Variants in UBR3 observed in about 807,000 individuals in gnomAD.
UBR3 encodes the protein ubiquitin protein ligase E3 component n-recognin 3.
UBR3 carries 85 observed loss-of-function variants against 243.2 expected under a neutral mutation model. The observed-to-expected ratio is 0.35, with a 90% CI of 0.29 to 0.42. The LOEUF (loss-of-function observed/expected upper bound fraction) is 0.42. UBR3 is among the 10% of genes least tolerant of loss of function. The pLI, the probability that UBR3 is intolerant of heterozygous loss-of-function variation, is 1.00. For missense variants in UBR3, 1,686 were observed against 2,300.8 expected (o/e 0.73, Z 5.47); for synonymous variants, 748 against 799.8 (o/e 0.94, Z 1.09).
At chr2:169,902,103 C>G (rs1202481843) in intron 8 of UBR3, among the ~76,000 whole-genome samples, 1 of 152,152 alleles carries the variant, frequency 6.6e-6, no homozygotes, top group East Asian at 1.9e-4. Context: ...ATTCCACTGT[C>G]TAACTATCTA....
Position 169,926,698 on chromosome 2 carries a change from G to C in UBR3, c.2158G>C (p.Ala720Pro). ...ATTTTGTTTTCTTTTAAAGGTTTGTGCTTCTAGACTTGACCCAGATTATTT... is the reference window on the plus strand; with the variant it reads ...ATTTTGTTTTCTTTTAAAGGTTTGTCCTTCTAGACTTGACCCAGATTATTT... The part of the protein sequence containing the change: ...DPDIYLLQVC[A>P]SRLDPDYFIS... Residue 720 changes from alanine (A) to proline (P), a missense_variant, in exon 15 of 39, where the codon GCT (alanine) becomes CCT (proline). Coordinates refer to ENST00000272793, the MANE Select transcript of UBR3 (RefSeq NM_172070.4). The C allele has an allele frequency of 6.5e-7, 1 of 1,547,358 alleles. No individual in the cohort carries two copies.
At chr2:169,879,432 A>G (rs981709352) in intron 5 of UBR3, among the ~76,000 whole-genome samples, 1 of 152,124 alleles carries the variant, frequency 6.6e-6, no homozygotes, top group African/African-American at 2.4e-5. Flanking sequence ...CTTTCACACA[A>G]TGTTACATTT....
At chr2:169,954,764 A>G (rs1299906961) in intron 23 of UBR3, among the ~76,000 whole-genome samples, 2 of 151,460 alleles carry the variant, frequency 1.3e-5, no homozygotes, top group Admixed American at 6.6e-5. Flanking sequence ...TAGTAGAGAC[A>G]GGGTTTCACC....
intron 1 of UBR3, among the ~76,000 whole-genome samples, chr2:169,853,474 A>G (rs2082734006): frequency 1.4e-5 from 2 of 142,486 alleles, no homozygotes; most frequent in South Asian, 2.2e-4. Flanking sequence ...TTTTTGAGGC[A>G]TAGTCTCACT....
At chr2:169,978,283 G>A (rs753377437) in intron 24 of UBR3, among the ~76,000 whole-genome samples, 12 of 152,226 alleles carry the variant, frequency 7.9e-5, no homozygotes, top group Non-Finnish European at 1.6e-4. Context: ...CCAGGTGCAG[G>A]TGCTTGGAGG....
intron 26 of UBR3, among the ~76,000 whole-genome samples, chr2:169,996,700 T>TG (rs1382944784): frequency 6.8e-6 from 1 of 146,886 alleles, no homozygotes; most frequent in East Asian, 2.0e-4. Context: ...TTTGTTTTTT[T>TG]TTTTTTTTTT....
chr2:169,951,639 CTG>C (rs1380718279), intron 23 of UBR3, among the ~76,000 whole-genome samples: 1 of 151,890 alleles, frequency 6.6e-6, no homozygotes, highest in African/African-American at 2.4e-5. Flanking sequence ...TACAGGGAAA[CTG>C]TGGAAGGATT....
At position 169,853,862 on chromosome 2, in the gene UBR3, A is replaced by G. The variant is rs553476099; in HGVS notation, c.546-18374A>G. On this transcript the variant is annotated intron_variant, in intron 1 of 38. Transcript: ENST00000272793. Reference sequence around the variant, plus strand: ...TATGTGCATATGTATGTGGAAGTGAATGAGGGAGAGAAGAAAGGAAGAAAA... The same window carrying G: ...TATGTGCATATGTATGTGGAAGTGAGTGAGGGAGAGAAGAAAGGAAGAAAA... Among the ~76,000 whole-genome samples, 20 of 152,030 alleles carry G rather than the reference A, an allele frequency of 1.3e-4. No individual in the cohort carries two copies. In the South Asian group the frequency reaches 3.9e-3, roughly 30 times the overall value.
At chr2:169,976,506 TG>T (rs2088453202) in intron 24 of UBR3, among the ~76,000 whole-genome samples, 1 of 152,140 alleles carries the variant, frequency 6.6e-6, no homozygotes, top group South Asian at 2.1e-4. Context: ...CCATTATTTC[TG>T]TAGGATAGCT....
At chr2:170,072,221 G>A (rs908830585) in intron 35 of UBR3, among the ~76,000 whole-genome samples, 14 of 152,018 alleles carry the variant, frequency 9.2e-5, no homozygotes, top group Admixed American at 2.0e-4. Context: ...GCACATATAC[G>A]CCATGGAATA....
chr2:170,078,119 AT>A, intron 36 of UBR3: 1 of 621,596 alleles, frequency 1.6e-6, no homozygotes. Flanking sequence ...TTTCATTTGT[AT>A]TTTCTCAGCA....
At chr2:170,029,820 C>T (rs541932859) in intron 31 of UBR3, among the ~76,000 whole-genome samples, 7 of 152,138 alleles carry the variant, frequency 4.6e-5, no homozygotes, top group African/African-American at 1.7e-4. Context: ...GTTTTAAGGA[C>T]TCCTGATAAT....
rs939001328 is a variant in UBR3, at chr2:170,084,082, A to T, written c.*2239A>T. 2.0e-5 allele frequency: 3 copies of T among 152,486 alleles called. No homozygotes were observed. The highest frequency in any genetic ancestry group is 7.2e-5 in the African/African-American group (3 of 41,448). The allele number at this position is 152,486 out of a possible 1,614,324, so 9.4% of individuals were successfully genotyped here. ...AACTAGGAATAATCAACATTGTAAG[A>T]TATGTTAATAAAAACCTGCTGTCAT... On this transcript the variant is annotated 3_prime_UTR_variant, in exon 39 of 39. Transcript: ENST00000272793.
At chr2:169,940,150 T>C (rs1248087841) in intron 19 of UBR3, among the ~76,000 whole-genome samples, 1 of 152,168 alleles carries the variant, frequency 6.6e-6, no homozygotes, top group Non-Finnish European at 1.5e-5. Flanking sequence ...TTATCTTCTT[T>C]TTATGTTGGG....
chr2:170,014,173 G>A, intron 29 of UBR3: 4 of 164,392 alleles, frequency 2.4e-5, no homozygotes, highest in Non-Finnish European at 4.0e-5. Context: ...TACAGACTTA[G>A]GAATATTAAT....
intron 5 of UBR3, among the ~76,000 whole-genome samples, chr2:169,886,046 A>G (rs1340370000): frequency 1.3e-5 from 2 of 151,956 alleles, no homozygotes; most frequent in African/African-American, 4.8e-5. Flanking sequence ...AGTCCCATCA[A>G]CTGGGGAGGC....
chr2:169,909,250 G>A (rs945303186), intron 10 of UBR3, among the ~76,000 whole-genome samples: 2 of 152,182 alleles, frequency 1.3e-5, no homozygotes, highest in Admixed American at 6.5e-5. Flanking sequence ...CTTGGATTCA[G>A]TTTTAAGGAG....
At position 170,081,640 on chromosome 2, in the gene UBR3, G is replaced by A. The variant is rs912508500; in HGVS notation, c.5550-86G>A. The A allele has an allele frequency of 1.1e-5, 11 of 1,024,928 alleles. No homozygotes were observed. The Admixed American group carries it at 2.8e-4, about 26-fold the overall frequency. 63.5% of individuals were successfully genotyped at this position (1,024,928 alleles called of 1,614,324 possible). On this transcript the variant is annotated intron_variant, in intron 38 of 38. Coordinates refer to ENST00000272793, the MANE Select transcript of UBR3 (RefSeq NM_172070.4). ...AGGAGGCGGAGGTTGCACTGCGAGAGACTGTCTCAGAAAAAAAAGAAGAAA... is the reference window on the plus strand; with the variant it reads ...AGGAGGCGGAGGTTGCACTGCGAGAAACTGTCTCAGAAAAAAAAGAAGAAA...
chr2:170,070,521 A>C (rs957288955), intron 35 of UBR3, among the ~76,000 whole-genome samples: 1 of 152,120 alleles, frequency 6.6e-6, no homozygotes, highest in Non-Finnish European at 1.5e-5. Context: ...AGACATCCAG[A>C]TTGGAAAGGA....
Sources: gnomAD v4.1 joint callset for allele counts (sites outside exome capture counted in the v4.1 genomes callset) on GRCh38, gnomAD v4.1.1 for gene constraint, MANE v1.5 for transcripts, NCBI Gene and HGNC (gene_info 2026-07-23, HGNC 2026-07-21) for gene names.